EFTUD2: variants seen among roughly 807,000 people sequenced by gnomAD.
EFTUD2 encodes 116 kDa U5 small nuclear ribonucleoprotein component.
EFTUD2 carries 9 observed loss-of-function variants against 114.3 expected under a neutral mutation model. The observed-to-expected ratio is 0.08, with a 90% CI of 0.05 to 0.14. The LOEUF (loss-of-function observed/expected upper bound fraction) is 0.14. EFTUD2 is among the 10% of genes least tolerant of loss of function. The probability of loss-of-function intolerance (pLI) is 1.00; values close to 1 mark genes in which losing one functional copy is unlikely to be tolerated. For missense variants in EFTUD2, 765 were observed against 1,241.2 expected (o/e 0.62, Z 5.76); for synonymous variants, 449 against 462.3 (o/e 0.97, Z 0.37).
At chr17:44,872,402 G>A in intron 11 of EFTUD2, 44 bp downstream of exon 11, 1 of 1,606,034 alleles carries the variant, frequency 6.2e-7, no homozygotes, top group Non-Finnish European at 8.5e-7. Flanking sequence ...AGGCACACAG[G>A]ACTCAGGGGA....
intron 13 of EFTUD2, among the ~76,000 whole-genome samples, chr17:44,867,022 G>T (rs554662014): frequency 3.9e-5 from 6 of 152,274 alleles, no homozygotes; most frequent in African/African-American, 1.4e-4. Context: ...TGGGAGGATT[G>T]CTCAAACCTA....
intron 5 of EFTUD2, 71 bp from the exon 6 acceptor site, chr17:44,883,229 C>T: frequency 7.2e-7 from 1 of 1,380,530 alleles, no homozygotes; most frequent in Non-Finnish European, 1.0e-6. Flanking sequence ...CCCCAGCTCC[C>T]AATACACCAC....
intron 1 of EFTUD2, among the ~76,000 whole-genome samples, chr17:44,897,749 G>A (rs1390737507): frequency 1.3e-5 from 2 of 152,140 alleles, no homozygotes; most frequent in African/African-American, 2.4e-5. Flanking sequence ...ATTTTTAGTA[G>A]AGACGGGGTT....
At chr17:44,897,084 T>C (rs1381310791) in intron 1 of EFTUD2, among the ~76,000 whole-genome samples, 1 of 151,766 alleles carries the variant, frequency 6.6e-6, no homozygotes, top group African/African-American at 2.4e-5. Context: ...AGTGTGGTGG[T>C]GGGCGCCCGT....
Position 44,851,170 on chromosome 17 carries a change from G to A in EFTUD2, c.*104C>T. Reference sequence around the variant, plus strand: ...TTCAAGATGGCAACAGCAGCTTCCAGACACTCTCTGACAACACGAAGGCCA... The same window carrying A: ...TTCAAGATGGCAACAGCAGCTTCCAAACACTCTCTGACAACACGAAGGCCA... On this transcript the variant is annotated 3_prime_UTR_variant, in exon 28 of 28. Transcript: ENST00000426333. The A allele has an allele frequency of 1.1e-6, 1 of 916,658 alleles. No homozygotes were observed. Among genetic ancestry groups the A allele is most frequent in the Non-Finnish European group, 1.8e-6 (1 of 563,142 alleles). The allele number at this position is 916,658 out of a possible 1,614,324, so 56.8% of individuals were successfully genotyped here.
chr17:44,895,495 CAAA>C (rs34990843), intron 1 of EFTUD2, among the ~76,000 whole-genome samples: 15 of 88,080 alleles, frequency 1.7e-4, no homozygotes, highest in African/African-American at 1.8e-4. Context: ...GACTCCATCT[CAAA>C]AAAAAAAAAA....
chr17:44,884,148 A>G (rs1168193122), intron 4 of EFTUD2: 1 of 167,072 alleles, frequency 6.0e-6, no homozygotes, highest in African/African-American at 2.4e-5. Context: ...CACGCCTGTA[A>G]TCCCAACACT....
intron 19 of EFTUD2, among the ~76,000 whole-genome samples, chr17:44,858,710 T>A (rs2050601903): frequency 6.6e-6 from 1 of 152,178 alleles, no homozygotes; most frequent in Non-Finnish European, 1.5e-5. Context: ...CCCAAAGTGC[T>A]GCAATTACAG....
At chr17:44,857,560 C>G (rs2050578920) in intron 19 of EFTUD2, 1 of 232,226 alleles carries the variant, frequency 4.3e-6, no homozygotes, top group Admixed American at 5.0e-5. Flanking sequence ...CTGAGTGAAG[C>G]TCTGCCCTGA....
chr17:44,896,714 A>G (rs2051392382), intron 1 of EFTUD2, among the ~76,000 whole-genome samples: 1 of 152,248 alleles, frequency 6.6e-6, no homozygotes, highest in Non-Finnish European at 1.5e-5. Flanking sequence ...ATAGTTTATA[A>G]GCAATAAATA....
In EFTUD2 at chr17:44,850,386, G is replaced by A. The variant is rs150786149; in HGVS notation, c.*888C>T. ...GTCAAGAGGATGGCACAGGATGCTG[G>A]AGAGAAGTAGGACTCCTATAGGAGC... On this transcript the variant is annotated 3_prime_UTR_variant, in exon 28 of 28. Coordinates refer to ENST00000426333, the MANE Select transcript of EFTUD2 (RefSeq NM_004247.4). 1 of 1,612,608 alleles carries A rather than the reference G, an allele frequency of 6.2e-7. No individual in the cohort carries two copies. The highest frequency in any genetic ancestry group is 1.1e-5 in the South Asian group (1 of 90,678).
chr17:44,881,321 T>A (rs2051068856), intron 7 of EFTUD2, among the ~76,000 whole-genome samples: 2 of 152,264 alleles, frequency 1.3e-5, no homozygotes, highest in South Asian at 4.1e-4. Flanking sequence ...GGTCATCATA[T>A]GGATGGACTC....
At chr17:44,877,839 C>CAAA (rs1401851541) in intron 9 of EFTUD2, among the ~76,000 whole-genome samples, 2 of 145,514 alleles carry the variant, frequency 1.4e-5, no homozygotes, top group East Asian at 2.0e-4. Context: ...ACAACAACAA[C>CAAA]AAACAACAAT....
At chr17:44,859,881 G>C in intron 18 of EFTUD2, 24 bp downstream of exon 18, 1 of 1,613,670 alleles carries the variant, frequency 6.2e-7, no homozygotes, top group Non-Finnish European at 8.5e-7. Context: ...GGGGCTTGGC[G>C]GCTGCTGCAG....
rs769726529 is a variant in EFTUD2, at chr17:44,854,927, G to A, written c.2123C>T (p.Thr708Met). The A allele has an allele frequency of 1.2e-6, 2 of 1,614,088 alleles. No homozygotes were observed. The highest frequency in any genetic ancestry group is 1.7e-6 in the Non-Finnish European group (2 of 1,179,968). ...EDIENEVVQI[T>M]WNRKKLGEFF... ...AGAGCCCTGTTCTCACCTGTTCCAC[G>A]TAATCTGGACCACCTCATTCTCTAT... Residue 708 changes from threonine (T) to methionine (M), a missense_variant, in exon 21 of 28, where the codon ACG (threonine) becomes ATG (methionine). By Grantham distance (81) the Thr-to-Met change is moderately conservative. Coordinates refer to ENST00000426333, the MANE Select transcript of EFTUD2 (RefSeq NM_004247.4). The surrounding 1 kb of genome is among the most constrained non-coding windows in gnomAD (Gnocchi z 4.3).
rs756052533 is a variant in EFTUD2 at position 44,860,537 on chromosome 17, G to A, written c.1614C>T (p.His538=). ...GRLWISVARY[H]IEVNRVPAGN... ...CAGCAGGAACACGGTTCACCTCGATGTGGTACCTGAAGCAATGTCCAATAA... is the reference window on the plus strand; with the variant it reads ...CAGCAGGAACACGGTTCACCTCGATATGGTACCTGAAGCAATGTCCAATAA... Residue 538 remains histidine, a synonymous_variant, in exon 17 of 28, where the codon CAC becomes CAT. Transcript: ENST00000426333. The A allele has an allele frequency of 1.3e-5, 21 of 1,609,092 alleles. No homozygotes were observed. Among genetic ancestry groups the A allele is most frequent in the South Asian group, 2.2e-5 (2 of 90,974 alleles).
At chr17:44,859,369 G>A (rs962891482) in intron 18 of EFTUD2, 188 bp from the exon 19 acceptor site, 15 of 610,378 alleles carry the variant, frequency 2.5e-5, no homozygotes, top group South Asian at 5.7e-5. Context: ...AAGACACCAG[G>A]ACCACTCAGC....
In EFTUD2 at chr17:44,850,265, G is replaced by T; in HGVS notation, c.*1009C>A. On this transcript the variant is annotated 3_prime_UTR_variant, in exon 28 of 28. Coordinates refer to ENST00000426333, the MANE Select transcript of EFTUD2 (RefSeq NM_004247.4). ...GCAGCTAGAGGTGAACCCCTAGGAC[G>T]CCTGAGAGCCAGAGGACGGGTGAAG... 7.6e-7 allele frequency: 1 copy of T among 1,315,282 alleles called. No homozygotes were observed. The highest frequency in any genetic ancestry group is 1.1e-6 in the Non-Finnish European group (1 of 929,656). 81.5% of individuals were successfully genotyped at this position (1,315,282 alleles called of 1,614,324 possible).
In EFTUD2 at chr17:44,873,926, G is replaced by A. The variant is rs377578796; in HGVS notation, c.870-1356C>T. Among the ~76,000 whole-genome samples, 44 of 149,882 alleles carry A rather than the reference G, an allele frequency of 2.9e-4. No homozygotes were observed. In the East Asian group the frequency reaches 4.3e-3, roughly 15 times the overall value. On this transcript the variant is annotated intron_variant, in intron 10 of 27. Transcript: ENST00000426333. ...TTTTTTGTATTTTTTAGTAGAGATG[G>A]GGTTTCACCGTGTTAGCCAGGATGG...
Sources: allele counts gnomAD v4.1 joint callset (sites outside exome capture counted in the v4.1 genomes callset), GRCh38; gene constraint gnomAD v4.1.1; non-coding constraint Gnocchi (gnomAD v3.1); transcripts MANE v1.5; gene names NCBI Gene and HGNC (gene_info 2026-07-23, HGNC 2026-07-21).